Variants in SLC45A4 observed in about 807,000 individuals in gnomAD.
SLC45A4 encodes the protein polyamine-transporter SLC45A4.
Under a neutral mutation model 63.7 loss-of-function variants are expected in SLC45A4, and 32 were observed. That is an observed-to-expected ratio of 0.50 (90% CI 0.38 to 0.67). The LOEUF is 0.67. SLC45A4 is among the 30% of genes least tolerant of loss of function. The pLI, the probability that SLC45A4 is intolerant of heterozygous loss-of-function variation, is 0.00. For synonymous variants in SLC45A4, 535 were observed against 510.0 expected (o/e 1.05, Z -0.66); for missense variants, 1,027 against 1,157.7 (o/e 0.89, Z 1.64).
chr8:141,284,508 A>C (rs1830070640), intron 1 of SLC45A4, among the ~76,000 whole-genome samples: 1 of 152,222 alleles, frequency 6.6e-6, no homozygotes, highest in Admixed American at 6.5e-5. Context: ...CGCTGAAAAC[A>C]GAGACTCTGA....
intron 2 of SLC45A4, among the ~76,000 whole-genome samples, chr8:141,245,210 T>G (rs1828128121): frequency 6.6e-6 from 1 of 152,126 alleles, no homozygotes; most frequent in Non-Finnish European, 1.5e-5. Context: ...AGAAAGGAGA[T>G]GCTGGTATCT....
At chr8:141,293,536 AGT>A (rs1830433061) in intron 1 of SLC45A4, among the ~76,000 whole-genome samples, 1 of 152,260 alleles carries the variant, frequency 6.6e-6, no homozygotes, top group Non-Finnish European at 1.5e-5. Flanking sequence ...CACTGAAGAC[AGT>A]GTGGCAATGT....
chr8:141,243,995 G>T lies in SLC45A4; in HGVS notation c.241+9994C>A, dbSNP rs554472948. ...TGTTGGTAGTCAGGTTTTAGGGGGAGTCAAAAGCTACACATGGATTTTTGA... is the reference window on the plus strand; with the variant it reads ...TGTTGGTAGTCAGGTTTTAGGGGGATTCAAAAGCTACACATGGATTTTTGA... On this transcript the variant is annotated intron_variant, in intron 2 of 8. Coordinates refer to ENST00000517878, the MANE Select transcript of SLC45A4 (RefSeq NM_001286646.2). Among the ~76,000 whole-genome samples, 4 of 152,294 alleles carry T rather than the reference G, an allele frequency of 2.6e-5. No homozygotes were observed. In the South Asian group the frequency reaches 8.3e-4, roughly 32 times the overall value.
At chr8:141,261,192 C>A (rs2154614791) in intron 1 of SLC45A4, among the ~76,000 whole-genome samples, 1 of 152,312 alleles carries the variant, frequency 6.6e-6, no homozygotes, top group South Asian at 2.1e-4. Flanking sequence ...ATGCTAAAAG[C>A]TCTCAATAAA....
In SLC45A4 at chr8:141,256,822, T is replaced by C. The variant is rs1026181693; in HGVS notation, c.-400-2193A>G. ...AAACAAGAGTTTCCAAACTGTCACCTTACTGCAATATTTTTTCAAAAAACT... is the reference window on the plus strand; with the variant it reads ...AAACAAGAGTTTCCAAACTGTCACCCTACTGCAATATTTTTTCAAAAAACT... On this transcript the variant is annotated intron_variant, in intron 1 of 8. Coordinates refer to ENST00000517878, the MANE Select transcript of SLC45A4 (RefSeq NM_001286646.2). The surrounding 1 kb of genome is among the most constrained non-coding windows in gnomAD (Gnocchi z 4.3). The C allele has an allele frequency of 2.9e-6, 1 of 343,094 alleles. No individual in the cohort carries two copies. Among genetic ancestry groups the C allele is most frequent in the Non-Finnish European group, 5.8e-6 (1 of 171,150 alleles). The allele number at this position is 343,094 out of a possible 1,614,324, so 21.3% of individuals were successfully genotyped here.
At chr8:141,214,938 A>G (rs1826048748) in intron 7 of SLC45A4, among the ~76,000 whole-genome samples, 1 of 152,226 alleles carries the variant, frequency 6.6e-6, no homozygotes, top group African/African-American at 2.4e-5. Context: ...AGCCAACAGC[A>G]CGGGCACAAC....
intron 2 of SLC45A4, among the ~76,000 whole-genome samples, chr8:141,245,691 G>A (rs1376700249): frequency 2.0e-5 from 3 of 152,144 alleles, no homozygotes; most frequent in African/African-American, 4.8e-5. Context: ...GACCCTCAGC[G>A]TGTCCCAACC....
At chr8:141,239,988 C>T (rs1827827311) in intron 2 of SLC45A4, among the ~76,000 whole-genome samples, 1 of 152,314 alleles carries the variant, frequency 6.6e-6, no homozygotes, top group East Asian at 1.9e-4. Context: ...CAAGAGTAGA[C>T]TTTTCCCAGA....
chr8:141,213,013 C>A (rs1825931661), intron 7 of SLC45A4, among the ~76,000 whole-genome samples: 1 of 152,310 alleles, frequency 6.6e-6, no homozygotes, highest in South Asian at 2.1e-4. Context: ...TGAGCAGTTT[C>A]ACTTGTGTTT....
At chr8:141,241,696 T>C (rs748694408) in intron 2 of SLC45A4, among the ~76,000 whole-genome samples, 22 of 152,012 alleles carry the variant, frequency 1.4e-4, no homozygotes, top group Non-Finnish European at 2.9e-4. Context: ...AGGTGGGCTG[T>C]CTCTCCCTTC....
intron 1 of SLC45A4, among the ~76,000 whole-genome samples, chr8:141,298,106 G>T (rs1335391885): frequency 1.3e-5 from 2 of 152,134 alleles, no homozygotes; most frequent in Non-Finnish European, 2.9e-5. Context: ...GGCTCTTTCT[G>T]CAAAGCCCTT....
intron 1 of SLC45A4, among the ~76,000 whole-genome samples, chr8:141,274,720 C>T (rs1744673443): frequency 6.6e-6 from 1 of 152,180 alleles, no homozygotes; most frequent in African/African-American, 2.4e-5. Flanking sequence ...TGAAGGTCAG[C>T]CATCTCGAGG....
intron 2 of SLC45A4, chr8:141,228,313 T>C: frequency 2.5e-6 from 4 of 1,605,434 alleles, no homozygotes; most frequent in Non-Finnish European, 3.4e-6. Flanking sequence ...TCCCAGCAAC[T>C]CCCAGGGGGC....
Position 141,218,112 on chromosome 8 carries a change from G to T in SLC45A4, c.1528C>A (p.Arg510=). ...SMLKMPRELM[R]LCLCHLLTWF... ...GTGAGGAGGTGGCAGAGGCACAGCC[G>T]CATCAGCTCCCTGGGCATCTTCAGC... is the stretch of plus-strand genomic sequence containing the variant. Residue 510 remains arginine (R), a synonymous_variant, in exon 5 of 9, where the codon CGG becomes AGG. Coordinates refer to ENST00000517878, the MANE Select transcript of SLC45A4 (RefSeq NM_001286646.2). The T allele has an allele frequency of 6.2e-7, 1 of 1,612,282 alleles. No individual in the cohort carries two copies. The highest frequency in any genetic ancestry group is 8.5e-7 in the Non-Finnish European group (1 of 1,179,956).
intron 1 of SLC45A4, among the ~76,000 whole-genome samples, chr8:141,291,431 T>G (rs904546015): frequency 2.6e-5 from 4 of 152,156 alleles, no homozygotes; most frequent in African/African-American, 9.7e-5. Context: ...GTAGTTTACT[T>G]CAGAATTTAG....
Position 141,254,105 on chromosome 8 carries a change from C to T in SLC45A4, c.125G>A (p.Gly42Glu), listed in dbSNP as rs575192443. ...GCGCATGGGGATTCGGTCTATGGAC[C>T]CCTCGCTGATGGTCTCGCAGTTCTC... ...EAENCETISE[G>E]SIDRIPMRLW... is the part of the protein sequence containing the mutation. Residue 42 changes from glycine (G) to glutamate (E), a missense_variant, in exon 2 of 9, where the codon GGG becomes GAG. By Grantham distance (98) the Gly-to-Glu change is moderately conservative (BLOSUM62 -2). Transcript: ENST00000517878. This position sits in a 1 kb window ranked among gnomAD's most constrained non-coding sequence, Gnocchi z 4.5. 250 of 1,536,174 alleles carry T rather than the reference C, an allele frequency of 1.6e-4. 3 individuals are homozygous for T. The Admixed American group carries it at 4.5e-3, about 28-fold the overall frequency.
At position 141,208,314 on chromosome 8, in the gene SLC45A4, C is replaced by T. The variant is rs1825626862; in HGVS notation, c.*3258G>A. The T allele has an allele frequency of 6.6e-6, 1 of 152,228 alleles. No individual in the cohort carries two copies. Among genetic ancestry groups the T allele is most frequent in the African/African-American group, 2.4e-5 (1 of 41,440 alleles). 9.4% of individuals were successfully genotyped at this position (152,228 alleles called of 1,614,324 possible). A position where few individuals can be genotyped will look rare whatever the true frequency, so the allele number is the denominator to read the frequency against. On this transcript the variant is annotated 3_prime_UTR_variant, in exon 9 of 9. Transcript: ENST00000517878. ...CAAACATGTCACCCGAACATCACCG[C>T]CCCAGCAGTGGGAGAGCCGAGGGTG... is the stretch of plus-strand genomic sequence containing the variant.
Position 141,218,224 on chromosome 8 carries a change from G to C in SLC45A4, c.1416C>G (p.Asn472Lys), listed in dbSNP as rs1425869595. 8 of 1,602,258 alleles carry C rather than the reference G, an allele frequency of 5.0e-6. No individual in the cohort carries two copies. Among genetic ancestry groups the C allele is most frequent in the Non-Finnish European group, 6.8e-6 (8 of 1,179,712 alleles). ...CGCTGGAGGTGGTGGCCCCGCTCTG[G>C]TTCCGGTGCCGGTGCTGCCGCTGCC... ...QKRQRQHRHR[N>K]QSGATTSSGD... is the part of the protein sequence containing the mutation. Residue 472 changes from asparagine (N) to lysine (K), a missense_variant, in exon 5 of 9, where the codon AAC (asparagine) becomes AAG (lysine). Transcript: ENST00000517878.
At chr8:141,284,867 G>A (rs1290074590) in intron 1 of SLC45A4, among the ~76,000 whole-genome samples, 4 of 152,044 alleles carry the variant, frequency 2.6e-5, no homozygotes, top group African/African-American at 7.2e-5. Context: ...ACAGCTGCCC[G>A]TGCCCCCTGC....
Sources: gnomAD v4.1 joint callset for allele counts (sites outside exome capture counted in the v4.1 genomes callset) on GRCh38, gnomAD v4.1.1 for gene constraint, Gnocchi (gnomAD v3.1) non-coding constraint, MANE v1.5 for transcripts, NCBI Gene and HGNC (gene_info 2026-07-23, HGNC 2026-07-21) for gene names.